TBC1D16: variants seen among roughly 807,000 people sequenced by gnomAD.
The protein encoded by TBC1D16 is TBC1 domain family member 16.
TBC1D16 carries 58 observed loss-of-function variants against 74.7 expected under a neutral mutation model. The ratio of observed to expected loss-of-function variants is 0.78; its 90% CI spans 0.63 to 0.97. TBC1D16 has a LOEUF of 0.97. Among genes scored for constraint, TBC1D16 ranks in the 50% least tolerant of loss-of-function variants. The probability of loss-of-function intolerance (pLI) is 0.00; values close to 1 mark genes in which losing one functional copy is unlikely to be tolerated. For synonymous variants in TBC1D16, 493 were observed against 474.7 expected (o/e 1.04, Z -0.50); for missense variants, 1,014 against 1,079.5 (o/e 0.94, Z 0.85).
At chr17:79,982,099 A>G (rs2034608652) in intron 3 of TBC1D16, among the ~76,000 whole-genome samples, 1 of 151,476 alleles carries the variant, frequency 6.6e-6, no homozygotes, top group Non-Finnish European at 1.5e-5. Flanking sequence ...TTCCTTATAG[A>G]CAAAGACTTG....
chr17:79,958,351 C>G (rs972742650), intron 3 of TBC1D16, among the ~76,000 whole-genome samples: 1 of 151,912 alleles, frequency 6.6e-6, no homozygotes, highest in Non-Finnish European at 1.5e-5. Context: ...TCCCGAGTAG[C>G]TGGGATTACA....
chr17:80,018,741 A>C (rs1391183005), intron 1 of TBC1D16, among the ~76,000 whole-genome samples: 1 of 149,242 alleles, frequency 6.7e-6, no homozygotes, highest in Non-Finnish European at 1.5e-5. Context: ...GCCTGGACTA[A>C]AGGCACATGC....
chr17:79,999,065 G>A lies in TBC1D16; in HGVS notation c.779+11095C>T, dbSNP rs376303358. Among the ~76,000 whole-genome samples the A allele has an allele frequency of 4.6e-5, 7 of 152,176 alleles. No homozygotes were observed. The South Asian group carries it at 6.2e-4, about 14-fold the overall frequency. ...GAGGTCAGGAATTTGAGACCAGCCC[G>A]GCCAACACGGCGAAACCCCATCTCT... On this transcript the variant is annotated intron_variant, in intron 3 of 11. Transcript: ENST00000310924.
chr17:80,021,998 C>T (rs142629974), intron 1 of TBC1D16, among the ~76,000 whole-genome samples: 18 of 142,916 alleles, frequency 1.3e-4, no homozygotes, highest in African/African-American at 4.6e-4. Flanking sequence ...TTTTGACATA[C>T]GGAGGTTTAA....
rs760671883 is a variant in TBC1D16, at chr17:79,988,721, G to A, written c.779+21439C>T. On this transcript the variant is annotated intron_variant, in intron 3 of 11. Transcript: ENST00000310924. This position sits in a 1 kb window ranked among gnomAD's most constrained non-coding sequence, Gnocchi z 5.7. ...GCACCAGATGTTGGCTCTTTAATTG[G>A]CAGTCAACCTCAAAGCAAAACTTAG... is the stretch of plus-strand genomic sequence containing the variant. 2.0e-5 allele frequency among the ~76,000 whole-genome samples: 3 copies of A among 152,220 alleles called. No homozygotes were observed. The highest frequency in any genetic ancestry group is 7.2e-5 in the African/African-American group (3 of 41,460).
rs897055834 is a variant in TBC1D16 at position 80,008,608 on chromosome 17, C to T, written c.779+1552G>A. Among the ~76,000 whole-genome samples the T allele has an allele frequency of 3.9e-5, 6 of 152,104 alleles. No homozygotes were observed. Among genetic ancestry groups the T allele is most frequent in the Non-Finnish European group, 8.8e-5 (6 of 68,018 alleles). ...GGGAGCTCCGACTGAGTCCGGCCTG[C>T]GGGACCCAGGCCAGGACCAGAGTTC... On this transcript the variant is annotated intron_variant, in intron 3 of 11. Coordinates refer to ENST00000310924, the MANE Select transcript of TBC1D16 (RefSeq NM_019020.4). The surrounding 1 kb of genome is among the most constrained non-coding windows in gnomAD (Gnocchi z 4.5).
rs942111701 is a variant in TBC1D16, at chr17:79,983,779, G to A, written c.779+26381C>T. ...CTCTAGTTCAGACACAGGGGGCGCT[G>A]GGTCACGGGGTTCATTTATGATTGT... is the stretch of plus-strand genomic sequence containing the variant. On this transcript the variant is annotated intron_variant, in intron 3 of 11. Transcript: ENST00000310924. The surrounding 1 kb of genome is among the most constrained non-coding windows in gnomAD (Gnocchi z 5.6). Among the ~76,000 whole-genome samples, 1 of 152,160 alleles carries A rather than the reference G, an allele frequency of 6.6e-6. No homozygotes were observed. The highest frequency in any genetic ancestry group is 6.5e-5 in the Admixed American group (1 of 15,274).
rs531429661 is a variant in TBC1D16, at chr17:79,981,164, C to T, written c.780-28346G>A. 6.6e-5 allele frequency among the ~76,000 whole-genome samples: 10 copies of T among 152,238 alleles called. No homozygotes were observed. Among genetic ancestry groups the T allele is most frequent in the South Asian group, 4.1e-4 (2 of 4,824 alleles). On this transcript the variant is annotated intron_variant, in intron 3 of 11. Coordinates refer to ENST00000310924, the MANE Select transcript of TBC1D16 (RefSeq NM_019020.4). The surrounding 1 kb of genome is among the most constrained non-coding windows in gnomAD (Gnocchi z 6.9). ...AGAACTTGTTTAGGCATCGTTTCCTCGCTCCCTCCTTAATCTCCACTCGGC... is the reference window on the plus strand; with the variant it reads ...AGAACTTGTTTAGGCATCGTTTCCTTGCTCCCTCCTTAATCTCCACTCGGC...
Position 79,990,023 on chromosome 17 carries a change from G to T in TBC1D16, c.779+20137C>A, listed in dbSNP as rs563078955. Among the ~76,000 whole-genome samples the T allele has an allele frequency of 1.3e-5, 2 of 152,266 alleles. No individual in the cohort carries two copies. Among genetic ancestry groups the T allele is most frequent in the Admixed American group, 6.5e-5 (1 of 15,300 alleles). On this transcript the variant is annotated intron_variant, in intron 3 of 11. Transcript: ENST00000310924. This position sits in a 1 kb window ranked among gnomAD's most constrained non-coding sequence, Gnocchi z 4.8. Reference sequence around the variant, plus strand: ...ATTTCCCAGTTCCCAGAAGACAACAGGGAGAGTCTATTTTTCTAAGCTCAC... The same window carrying T: ...ATTTCCCAGTTCCCAGAAGACAACATGGAGAGTCTATTTTTCTAAGCTCAC...
chr17:79,956,756 C>G lies in TBC1D16; in HGVS notation c.780-3938G>C, dbSNP rs981019282. 6.6e-6 allele frequency among the ~76,000 whole-genome samples: 1 copy of G among 152,222 alleles called. No homozygotes were observed. The highest frequency in any genetic ancestry group is 6.5e-5 in the Admixed American group (1 of 15,278). On this transcript the variant is annotated intron_variant, in intron 3 of 11. Coordinates refer to ENST00000310924, the MANE Select transcript of TBC1D16 (RefSeq NM_019020.4). This position sits in a 1 kb window ranked among gnomAD's most constrained non-coding sequence, Gnocchi z 4.0. The stretch of plus-strand genomic sequence containing the variant: ...ACCTAAACTGCTAAATTTCCTCTTG[C>G]TTTTCTTCATCCTGAGCCTTTTAAG...
At chr17:80,032,983 C>T (rs545380584) in intron 1 of TBC1D16, among the ~76,000 whole-genome samples, 123 of 152,296 alleles carry the variant, frequency 8.1e-4, no homozygotes, top group Middle Eastern at 6.8e-3. Context: ...TGCAGGGACC[C>T]AGCCCCCGGT....
chr17:80,028,128 G>A (rs973621998), intron 1 of TBC1D16, among the ~76,000 whole-genome samples: 1 of 151,896 alleles, frequency 6.6e-6, no homozygotes. Flanking sequence ...TGTTTTTGTT[G>A]ATGGAAAGGA....
Position 79,934,659 on chromosome 17 carries a change from G to A in TBC1D16, c.*6200C>T, listed in dbSNP as rs949987225. The A allele has an allele frequency of 5.3e-5, 8 of 152,362 alleles. No individual in the cohort carries two copies. The highest frequency in any genetic ancestry group is 1.9e-4 in the African/African-American group (8 of 41,468). 9.4% of individuals were successfully genotyped at this position (152,362 alleles called of 1,614,324 possible). A position where few individuals can be genotyped will look rare whatever the true frequency, so the allele number is the denominator to read the frequency against. On this transcript the variant is annotated 3_prime_UTR_variant, in exon 12 of 12. Coordinates refer to ENST00000310924, the MANE Select transcript of TBC1D16 (RefSeq NM_019020.4). ...GGGGGAAGCCCACTGCTCCTCCTGG[G>A]GCCTAGTCCGTGGGACCTGCCCAGC...
intron 3 of TBC1D16, among the ~76,000 whole-genome samples, chr17:79,972,687 G>T (rs1397143687): frequency 1.3e-5 from 2 of 152,186 alleles, no homozygotes; most frequent in Non-Finnish European, 2.9e-5. Context: ...AACGGGAACA[G>T]AGTTTCGGTT....
At position 80,001,247 on chromosome 17, in the gene TBC1D16, G is replaced by A. The variant is rs1291219036; in HGVS notation, c.779+8913C>T. ...GGGTGCAGGCGGAGCAGCTGGTGGT[G>A]GCCACCTTGGCTTGGGCAGGGGGGA... On this transcript the variant is annotated intron_variant, in intron 3 of 11. Transcript: ENST00000310924. The surrounding 1 kb of genome is among the most constrained non-coding windows in gnomAD (Gnocchi z 5.8). 1.3e-5 allele frequency among the ~76,000 whole-genome samples: 2 copies of A among 152,196 alleles called. No individual in the cohort carries two copies. The highest frequency in any genetic ancestry group is 2.9e-5 in the Non-Finnish European group (2 of 68,026).
chr17:79,951,165 A>T (rs2033021305), intron 5 of TBC1D16, among the ~76,000 whole-genome samples: 1 of 152,196 alleles, frequency 6.6e-6, no homozygotes, highest in South Asian at 2.1e-4. Context: ...TTAAACAGAT[A>T]ATTAAAGAGC....
chr17:79,995,175 C>T (rs1181821396), intron 3 of TBC1D16, among the ~76,000 whole-genome samples: 2 of 151,980 alleles, frequency 1.3e-5, no homozygotes, highest in East Asian at 1.9e-4. Flanking sequence ...TGAGGCACTC[C>T]TGTAATTCCA....
At position 79,944,944 on chromosome 17, in the gene TBC1D16, C is replaced by T. The variant is rs2032382404; in HGVS notation, c.1872G>A (p.Ala624=). 3.9e-6 allele frequency: 6 copies of T among 1,553,316 alleles called. No individual in the cohort carries two copies. Among genetic ancestry groups the T allele is most frequent in the Admixed American group, 2.0e-5 (1 of 51,124 alleles). ...CCCAGCAGGCCTCCCAGATCCGCAG[C>T]GCTTCGGCCTCGGGGAACTCCCGCT... ...CFKREFPEAE[A]LRIWEACWAH... Residue 624 remains alanine, a synonymous_variant, in exon 10 of 12, where the codon GCG becomes GCA. Transcript: ENST00000310924. The surrounding 1 kb of genome is among the most constrained non-coding windows in gnomAD (Gnocchi z 7.7).
Position 79,944,025 on chromosome 17 carries a change from G to A in TBC1D16, c.1908+883C>T. 2.0e-6 allele frequency: 3 copies of A among 1,535,450 alleles called. No homozygotes were observed. The highest frequency in any genetic ancestry group is 2.6e-6 in the Non-Finnish European group (3 of 1,146,522). ...AGGGAAACCTAGACCCGGGCCAGGG[G>A]CGAGCCGATGACCGCATGCAAAGGC... On this transcript the variant is annotated intron_variant, in intron 10 of 11. Coordinates refer to ENST00000310924, the MANE Select transcript of TBC1D16 (RefSeq NM_019020.4). The surrounding 1 kb of genome is among the most constrained non-coding windows in gnomAD (Gnocchi z 7.7).
Sources: allele counts gnomAD v4.1 joint callset (sites outside exome capture counted in the v4.1 genomes callset), GRCh38; gene constraint gnomAD v4.1.1; non-coding constraint Gnocchi (gnomAD v3.1); transcripts MANE v1.5; gene names NCBI Gene and HGNC (gene_info 2026-07-23, HGNC 2026-07-21).